Variants in MAP3K1 observed in about 807,000 individuals in gnomAD.
MAP3K1 encodes the protein MAP/ERK kinase kinase 1.
A neutral mutation model predicts 144.2 loss-of-function variants in MAP3K1; 36 were observed. The observed-to-expected ratio is 0.25, with a 90% confidence interval of 0.19 to 0.33. The LOEUF is 0.33. Ranked by LOEUF, MAP3K1 falls within the 10% of genes least tolerant of loss-of-function variation. The pLI is 1.00. For missense variants in MAP3K1, 1,650 were observed against 1,881.9 expected (o/e 0.88, Z 2.28); for synonymous variants, 718 against 688.7 (o/e 1.04, Z -0.67).
chr5:56,841,955 A>G (rs1157626898), intron 1 of MAP3K1: 1 of 152,252 alleles, frequency 6.6e-6, no homozygotes, highest in Non-Finnish European at 1.5e-5. Context: ...TCAAGCATAC[A>G]GAAAGATACA....
At chr5:56,872,799 G>A (rs746143216) in intron 8 of MAP3K1, 26 bp from the exon 9 acceptor site, 3 of 1,613,522 alleles carry the variant, frequency 1.9e-6, no homozygotes, top group South Asian at 2.2e-5. Context: ...TTTTTTTAAA[G>A]CAAGTTTTGT....
intron 1 of MAP3K1, among the ~76,000 whole-genome samples, chr5:56,843,943 G>A (rs1160384694): frequency 1.3e-5 from 2 of 152,138 alleles, no homozygotes; most frequent in East Asian, 3.9e-4. Flanking sequence ...GTTTCTTAGA[G>A]TATGTTCCAA....
At chr5:56,861,187 G>A (rs1747497161) in intron 3 of MAP3K1, among the ~76,000 whole-genome samples, 1 of 152,196 alleles carries the variant, frequency 6.6e-6, no homozygotes, top group East Asian at 1.9e-4. Flanking sequence ...TAATGTGCCA[G>A]TAGGAAAAGT....
At chr5:56,863,632 A>G (rs1747586043) in intron 3 of MAP3K1, among the ~76,000 whole-genome samples, 2 of 152,180 alleles carry the variant, frequency 1.3e-5, no homozygotes, top group Admixed American at 6.5e-5. Flanking sequence ...GTGGACATAT[A>G]TTCTCATTTC....
rs774724890 is a variant in MAP3K1 at position 56,881,259 on chromosome 5, C to A, written c.2356C>A (p.Pro786Thr). The A allele has an allele frequency of 6.2e-7, 1 of 1,612,952 alleles. No homozygotes were observed. Among genetic ancestry groups the A allele is most frequent in the Non-Finnish European group, 8.5e-7 (1 of 1,179,408 alleles). Reference sequence around the variant, plus strand: ...CAGTACTGATGTTTCACAAGCTGAGCCTGTTGAAATCAGGTAATTTTTCTT... The same window carrying A: ...CAGTACTGATGTTTCACAAGCTGAGACTGTTGAAATCAGGTAATTTTTCTT... ...IVSTDVSQAE[P>T]VEIRYKKLLS... The change falls in exon 13 of 20, where the codon CCT (proline) becomes ACT (threonine). Residue 786 changes from proline (P) to threonine (T), a missense_variant. By Grantham distance (38) the Pro-to-Thr change is conservative (BLOSUM62 -1). Transcript: ENST00000399503.
rs1440813456 is a variant in MAP3K1, at chr5:56,893,396, GAAAA to G, written c.4390-134_4390-131del. ...TTTTTTCATAGACTTTTTGATAGCA[GAAAA>G]TCCTCCCACTTCTGCTTCAGTTCCT... On this transcript the variant is annotated intron_variant, in intron 19 of 19. Transcript: ENST00000399503. The G allele has an allele frequency of 2.8e-5, 26 of 923,708 alleles. No individual in the cohort carries two copies. In the East Asian group the frequency reaches 6.5e-4, roughly 23 times the overall value. The allele number at this position is 923,708 out of a possible 1,614,324, so 57.2% of individuals were successfully genotyped here.
At chr5:56,831,419 T>G (rs1746488526) in intron 1 of MAP3K1, among the ~76,000 whole-genome samples, 1 of 152,176 alleles carries the variant, frequency 6.6e-6, no homozygotes, top group Admixed American at 6.5e-5. Context: ...TCTAGGCAGA[T>G]TCTATGAGAG....
intron 1 of MAP3K1, among the ~76,000 whole-genome samples, chr5:56,836,228 T>C (rs769609346): frequency 2.0e-5 from 3 of 152,114 alleles, no homozygotes; most frequent in African/African-American, 4.8e-5. Flanking sequence ...TCTGAGTGGC[T>C]CTTGTGTTTG....
At chr5:56,823,612 C>T (rs1746220637) in intron 1 of MAP3K1, among the ~76,000 whole-genome samples, 1 of 152,164 alleles carries the variant, frequency 6.6e-6, no homozygotes, top group Non-Finnish European at 1.5e-5. Flanking sequence ...TTAGTGGATC[C>T]ACTGTTTTTC....
rs750577641 is a variant in MAP3K1 at position 56,840,234 on chromosome 5, G to A, written c.483-16366G>A. 2.6e-5 allele frequency among the ~76,000 whole-genome samples: 4 copies of A among 151,990 alleles called. No individual in the cohort carries two copies. In the East Asian group the frequency reaches 5.8e-4, roughly 22 times the overall value. On this transcript the variant is annotated intron_variant, in intron 1 of 19. Transcript: ENST00000399503. ...CTGATCTCGGCTCACTGCAACCTCC[G>A]CCTCCCAAGTTCAAACGATTCTCCT...
Position 56,871,927 on chromosome 5 carries a change from A to T in MAP3K1, c.1319A>T (p.Glu440Val). 6.2e-7 allele frequency: 1 copy of T among 1,613,972 alleles called. No homozygotes were observed. The highest frequency in any genetic ancestry group is 8.5e-7 in the Non-Finnish European group (1 of 1,179,872). Residue 440 changes from glutamate to valine, a missense_variant, in exon 7 of 20, where the codon GAA (glutamate) becomes GTA (valine). Coordinates refer to ENST00000399503, the MANE Select transcript of MAP3K1 (RefSeq NM_005921.2). ...SSENSIKDEE[E>V]QMCPICLLGM... ...TTCTATAGCATAAAGGATGAAGAGG[A>T]ACAGATGTGTCCTATTTGCTTGTTG...
chr5:56,825,957 G>A lies in MAP3K1; in HGVS notation c.482+9902G>A, dbSNP rs1289667000. The stretch of plus-strand genomic sequence containing the variant: ...CGTGCTCAGTTTTAGTCCCTCAACT[G>A]ACCGTTCTTCTTTTTTTTTTTTAAA... On this transcript the variant is annotated intron_variant, in intron 1 of 19. Coordinates refer to ENST00000399503, the MANE Select transcript of MAP3K1 (RefSeq NM_005921.2). Among the ~76,000 whole-genome samples, 3 of 150,296 alleles carry A rather than the reference G, an allele frequency of 2.0e-5. No individual in the cohort carries two copies. In the East Asian group the frequency reaches 6.0e-4, roughly 30 times the overall value.
At chr5:56,845,270 AC>A (rs2111828090) in intron 1 of MAP3K1, among the ~76,000 whole-genome samples, 1 of 152,340 alleles carries the variant, frequency 6.6e-6, no homozygotes, top group Admixed American at 6.5e-5. Flanking sequence ...TTAGAAGTAT[AC>A]TCAAACTGCA....
chr5:56,835,701 G>C (rs567132161), intron 1 of MAP3K1, among the ~76,000 whole-genome samples: 1 of 151,972 alleles, frequency 6.6e-6, no homozygotes, highest in South Asian at 2.1e-4. Context: ...GGGGTTTGGT[G>C]GTTTTTTGTT....
intron 6 of MAP3K1, among the ~76,000 whole-genome samples, chr5:56,871,282 G>T (rs891571910): frequency 6.6e-6 from 1 of 152,040 alleles, no homozygotes; most frequent in East Asian, 1.9e-4. Context: ...CATTCATTTG[G>T]TTGTTTTGAT....
intron 3 of MAP3K1, among the ~76,000 whole-genome samples, chr5:56,864,103 T>C (rs1023313829): frequency 6.6e-6 from 1 of 152,214 alleles, no homozygotes; most frequent in Non-Finnish European, 1.5e-5. Flanking sequence ...GCTTATGATA[T>C]ATACTTTCTA....
chr5:56,865,912 T>G lies in MAP3K1; in HGVS notation c.1236T>G (p.Val412=). The change falls in exon 6 of 20, where the codon GTT becomes GTG. Residue 412 remains valine, a synonymous_variant. Coordinates refer to ENST00000399503, the MANE Select transcript of MAP3K1 (RefSeq NM_005921.2). ...CTCGTAACACCATCCAGAAGTTTGTTTCACGCATGTCAAATTCTCATACAT... is the reference window on the plus strand; with the variant it reads ...CTCGTAACACCATCCAGAAGTTTGTGTCACGCATGTCAAATTCTCATACAT... The part of the protein sequence containing the change: ...APSRNTIQKF[V]SRMSNSHTLS... 1 of 1,613,466 alleles carries G rather than the reference T, an allele frequency of 6.2e-7. No homozygotes were observed. The highest frequency in any genetic ancestry group is 8.5e-7 in the Non-Finnish European group (1 of 1,179,386).
At chr5:56,874,985 C>A (rs1450134772) in intron 9 of MAP3K1, 47 bp from the exon 10 acceptor site, 2 of 1,596,538 alleles carry the variant, frequency 1.3e-6, no homozygotes, top group East Asian at 2.2e-5. Context: ...TGCTCTGGGT[C>A]CATAAGCTTT....
chr5:56,891,505 G>A (rs547832862), intron 19 of MAP3K1, among the ~76,000 whole-genome samples: 161 of 152,204 alleles, frequency 1.1e-3, no homozygotes, highest in Middle Eastern at 3.4e-3. Context: ...TCACTCTGAT[G>A]GTAGTTTCTT....
Sources: allele counts gnomAD v4.1 joint callset (sites outside exome capture counted in the v4.1 genomes callset), GRCh38; gene constraint gnomAD v4.1.1; transcripts MANE v1.5; gene names NCBI Gene and HGNC (gene_info 2026-07-23, HGNC 2026-07-21).